OSBPL10: variants seen among roughly 807,000 people sequenced by gnomAD.
OSBPL10 encodes oxysterol-binding protein-related protein 10.
In OSBPL10, 49 loss-of-function variants were observed where a neutral mutation model predicts 81.7. That is an observed-to-expected ratio of 0.60 (90% CI 0.48 to 0.76). The LOEUF is 0.76. OSBPL10 is among the 30% of genes least tolerant of loss of function. OSBPL10 has a pLI of 0.00. For missense variants in OSBPL10, 923 were observed against 987.8 expected (o/e 0.93, Z 0.88); for synonymous variants, 419 against 383.6 (o/e 1.09, Z -1.08).
intron 4 of OSBPL10, among the ~76,000 whole-genome samples, chr3:31,798,502 A>AT (rs1226219815): frequency 1.3e-5 from 2 of 152,036 alleles, no homozygotes; most frequent in Non-Finnish European, 2.9e-5. Flanking sequence ...AAAATATTAC[A>AT]TTTTTTTAAT....
At chr3:31,764,817 T>A (rs1217153189) in intron 4 of OSBPL10, among the ~76,000 whole-genome samples, 2 of 152,142 alleles carry the variant, frequency 1.3e-5, no homozygotes. Context: ...GATCGTGGGA[T>A]AAAGAAGGCA....
intron 4 of OSBPL10, among the ~76,000 whole-genome samples, chr3:31,750,816 A>G (rs1468836420): frequency 6.6e-6 from 1 of 152,198 alleles, no homozygotes; most frequent in Non-Finnish European, 1.5e-5. Flanking sequence ...GCCATAAACT[A>G]TACGGTATAT....
At chr3:31,875,399 A>G (rs1268216667) in intron 3 of OSBPL10, among the ~76,000 whole-genome samples, 2 of 152,130 alleles carry the variant, frequency 1.3e-5, no homozygotes, top group East Asian at 3.8e-4. Context: ...CTCCTACTAT[A>G]ATTCTTGGAA....
chr3:32,012,132 A>C (rs2125539965), intron 2 of OSBPL10, among the ~76,000 whole-genome samples: 1 of 152,348 alleles, frequency 6.6e-6, no homozygotes, highest in East Asian at 1.9e-4. Context: ...ACTCCAAGAC[A>C]CATAATTGTC....
At chr3:31,793,668 ACTCT>A (rs1179597814) in intron 4 of OSBPL10, among the ~76,000 whole-genome samples, 1 of 152,136 alleles carries the variant, frequency 6.6e-6, no homozygotes, top group Non-Finnish European at 1.5e-5. Flanking sequence ...AATTAGGAAG[ACTCT>A]CTAAGTTTTC....
At chr3:32,010,883 G>A (rs1337515388) in intron 2 of OSBPL10, among the ~76,000 whole-genome samples, 2 of 152,200 alleles carry the variant, frequency 1.3e-5, no homozygotes, top group African/African-American at 2.4e-5. Flanking sequence ...AGGTGGCAGC[G>A]AGGCTGGAGG....
At chr3:31,808,074 G>C (rs1699567231) in intron 4 of OSBPL10, among the ~76,000 whole-genome samples, 1 of 152,142 alleles carries the variant, frequency 6.6e-6, no homozygotes, top group Non-Finnish European at 1.5e-5. Flanking sequence ...TGAGCAGCTA[G>C]CTACAATGAC....
chr3:31,750,051 G>A (rs1250634710), intron 4 of OSBPL10, among the ~76,000 whole-genome samples: 4 of 151,536 alleles, frequency 2.6e-5, no homozygotes, highest in East Asian at 1.9e-4. Flanking sequence ...GTGTGATGGC[G>A]GGCACCTGTA....
At chr3:31,882,824 C>T (rs1039004954) in intron 1 of OSBPL10, among the ~76,000 whole-genome samples, 2 of 152,176 alleles carry the variant, frequency 1.3e-5, no homozygotes, top group Non-Finnish European at 2.9e-5. Flanking sequence ...AACTAGGCCA[C>T]GGGGATCAGT....
chr3:31,687,571 G>A, intron 7 of OSBPL10, among the ~76,000 whole-genome samples: 1 of 152,184 alleles, frequency 6.6e-6, no homozygotes, highest in East Asian at 1.9e-4. Context: ...GCACTGCCCT[G>A]GTCCCACAGG....
intron 2 of OSBPL10, 57 bp downstream of exon 2, chr3:31,879,598 A>C: frequency 1.3e-6 from 2 of 1,518,404 alleles, no homozygotes; most frequent in Non-Finnish European, 1.8e-6. Flanking sequence ...AAAACAAGAG[A>C]GCCATCACCA....
intron 4 of OSBPL10, among the ~76,000 whole-genome samples, chr3:31,775,502 T>C (rs1199953447): frequency 1.0e-5 from 1 of 96,350 alleles, no homozygotes; most frequent in East Asian, 5.3e-4. Context: ...GGAGTTGAAA[T>C]TTTTAGTAAT....
upstream of OSBPL10, among the ~76,000 whole-genome samples, chr3:31,983,925 A>G (rs943543835): frequency 2.6e-5 from 4 of 152,210 alleles, no homozygotes; most frequent in Admixed American, 2.0e-4. Context: ...GGTTTTTGCA[A>G]TAGAGGAAGA....
At chr3:31,983,016 C>A (rs563782084), upstream of OSBPL10, among the ~76,000 whole-genome samples, 3 of 152,146 alleles carry the variant, frequency 2.0e-5, no homozygotes, top group African/African-American at 7.2e-5. Context: ...CAGCATGTCC[C>A]GGATAAGGAC....
chr3:31,674,891 GC>G (rs1700425969), intron 8 of OSBPL10, among the ~76,000 whole-genome samples: 1 of 152,344 alleles, frequency 6.6e-6, no homozygotes, highest in African/African-American at 2.4e-5. Context: ...GGATGACTCT[GC>G]CCAACGGCAG....
intron 4 of OSBPL10, among the ~76,000 whole-genome samples, chr3:31,783,778 A>G (rs1698765515): frequency 8.9e-6 from 1 of 111,922 alleles, no homozygotes; most frequent in African/African-American, 3.3e-5. Flanking sequence ...GTGACAGAGC[A>G]AGACTCCGAT....
At chr3:31,895,997 A>G (rs1050333363) in intron 1 of OSBPL10, among the ~76,000 whole-genome samples, 7 of 152,264 alleles carry the variant, frequency 4.6e-5, no homozygotes, top group Middle Eastern at 3.4e-3. Context: ...CAATGCACAC[A>G]CCTATACACA....
chr3:31,896,896 G>A (rs1575604282), intron 1 of OSBPL10, among the ~76,000 whole-genome samples: 1 of 152,144 alleles, frequency 6.6e-6, no homozygotes, highest in East Asian at 1.9e-4. Flanking sequence ...TTACACTTCA[G>A]TCCAAAGGGC....
intron 1 of OSBPL10, among the ~76,000 whole-genome samples, chr3:31,920,466 G>A (rs762149468): frequency 6.6e-6 from 1 of 152,186 alleles, no homozygotes; most frequent in Non-Finnish European, 1.5e-5. Context: ...ATCTGTAAGA[G>A]TAAAGGCAAA....
Sources: gnomAD v4.1 joint callset for allele counts (sites outside exome capture counted in the v4.1 genomes callset) on GRCh38, gnomAD v4.1.1 for gene constraint, MANE v1.5 for transcripts, NCBI Gene and HGNC (gene_info 2026-07-23, HGNC 2026-07-21) for gene names.